CPE: variants seen among roughly 807,000 people sequenced by gnomAD.
CPE encodes the protein carboxypeptidase E, also known as carbocypeptidase E.
A neutral mutation model predicts 53.5 loss-of-function variants in CPE; 17 were observed. The ratio of observed to expected loss-of-function variants is 0.32; its 90% confidence interval spans 0.22 to 0.48. The LOEUF (loss-of-function observed/expected upper bound fraction) is 0.48. Among genes scored for constraint, CPE ranks in the 20% least tolerant of loss-of-function variants. The pLI, the probability that CPE is intolerant of heterozygous loss-of-function variation, is 0.99. For synonymous variants in CPE, 226 were observed against 228.8 expected (o/e 0.99, Z 0.11); for missense variants, 524 against 614.7 (o/e 0.85, Z 1.56).
intron 1 of CPE, among the ~76,000 whole-genome samples, chr4:165,393,251 C>T (rs1730713453): frequency 6.6e-6 from 1 of 152,160 alleles, no homozygotes; most frequent in Non-Finnish European, 1.5e-5. Context: ...GCTTTGGCAG[C>T]TGTTTTAGAG....
At chr4:165,443,321 G>A (rs150970144) in intron 1 of CPE, among the ~76,000 whole-genome samples, 80 of 152,206 alleles carry the variant, frequency 5.3e-4, no homozygotes, top group African/African-American at 1.7e-3. Context: ...ATTCTGTGGA[G>A]CATTTATTAA....
chr4:165,442,649 G>C (rs6536913), intron 1 of CPE, among the ~76,000 whole-genome samples: 46,065 of 152,032 alleles, frequency 0.3, 7,426 homozygotes, highest in Middle Eastern at 0.42. Context: ...AGTTGCACTA[G>C]CCACATTTCA....
At chr4:165,391,165 A>G (rs1310925064) in intron 1 of CPE, among the ~76,000 whole-genome samples, 2 of 152,130 alleles carry the variant, frequency 1.3e-5, no homozygotes, top group Non-Finnish European at 2.9e-5. Flanking sequence ...TGCTGTTATT[A>G]TTTTAACATT....
intron 1 of CPE, among the ~76,000 whole-genome samples, chr4:165,435,099 C>T (rs971676976): frequency 2.6e-5 from 4 of 152,164 alleles, no homozygotes; most frequent in Non-Finnish European, 5.9e-5. Context: ...TCTTGTGCAG[C>T]CTGCAAAACC....
chr4:165,397,701 T>G (rs1730791935), intron 1 of CPE, among the ~76,000 whole-genome samples: 1 of 152,102 alleles, frequency 6.6e-6, no homozygotes, highest in Non-Finnish European at 1.5e-5. Context: ...TATCTCCCTT[T>G]TATAGGACAA....
intron 1 of CPE, among the ~76,000 whole-genome samples, chr4:165,428,684 A>C (rs1305982204): frequency 6.6e-6 from 1 of 152,042 alleles, no homozygotes; most frequent in Non-Finnish European, 1.5e-5. Context: ...TCTAAGGGAG[A>C]ATTCCTTCCT....
intron 1 of CPE, among the ~76,000 whole-genome samples, chr4:165,461,009 A>T (rs1731988391): frequency 6.6e-6 from 1 of 151,078 alleles, no homozygotes; most frequent in Non-Finnish European, 1.5e-5. Context: ...CCTCATCTCT[A>T]CAAAAAAATT....
chr4:165,474,702 T>C (rs1732264963), intron 3 of CPE, among the ~76,000 whole-genome samples: 1 of 152,212 alleles, frequency 6.6e-6, no homozygotes, highest in African/African-American at 2.4e-5. Flanking sequence ...TAACCTTTCC[T>C]TCATCTGTTT....
intron 4 of CPE, 67 bp from the exon 5 acceptor site, chr4:165,484,355 C>G (rs954698591): frequency 6.2e-6 from 9 of 1,445,752 alleles, no homozygotes; most frequent in Non-Finnish European, 8.6e-6. Context: ...CTGAATCACT[C>G]TTTAGAAAAC....
intron 5 of CPE, among the ~76,000 whole-genome samples, chr4:165,485,176 C>A (rs778407732): frequency 4.4e-4 from 67 of 152,122 alleles, no homozygotes; most frequent in Non-Finnish European, 7.4e-4. Flanking sequence ...GGGGGAAGCC[C>A]CTTCCTAGGT....
Position 165,495,574 on chromosome 4 carries a change from A to G in CPE, c.1229A>G (p.Tyr410Cys). 4 of 1,611,388 alleles carry G rather than the reference A, an allele frequency of 2.5e-6. No homozygotes were observed. Among genetic ancestry groups the G allele is most frequent in the Non-Finnish European group, 3.4e-6 (4 of 1,178,272 alleles). The change falls in exon 8 of 9, where the codon TAC (tyrosine) becomes TGC (cysteine). Residue 410 changes from tyrosine to cysteine, a missense_variant. Tyr to Cys is a radical substitution (Grantham distance 194). Coordinates refer to ENST00000402744, the MANE Select transcript of CPE (RefSeq NM_001873.4). Reference sequence around the variant, plus strand: ...CTTCCTACAGCAAAGGATGGTGATTACTGGAGATTGCTTATACCTGGAAAC... The same window carrying G: ...CTTCCTACAGCAAAGGATGGTGATTGCTGGAGATTGCTTATACCTGGAAAC... ...HDVTSAKDGD[Y>C]WRLLIPGNYK...
chr4:165,389,665 G>A (rs1269775441), intron 1 of CPE, among the ~76,000 whole-genome samples: 1 of 152,112 alleles, frequency 6.6e-6, no homozygotes, highest in East Asian at 1.9e-4. Context: ...AGAAGGTTGA[G>A]GTGACTTAAC....
At position 165,379,555 on chromosome 4, in the gene CPE, T is replaced by A; in HGVS notation, c.307+27T>A. 1 of 1,188,200 alleles carries A rather than the reference T, an allele frequency of 8.4e-7. No individual in the cohort carries two copies. Among genetic ancestry groups the A allele is most frequent in the Non-Finnish European group, 1.1e-6 (1 of 925,720 alleles). The allele number at this position is 1,188,200 out of a possible 1,614,324, so 73.6% of individuals were successfully genotyped here. On this transcript the variant is annotated intron_variant, in intron 1 of 8. Transcript: ENST00000402744. This position sits in a 1 kb window ranked among gnomAD's most constrained non-coding sequence, Gnocchi z 6.0. Reference sequence around the variant, plus strand: ...TAAGGGCGCTGCCCCCTGACAGCCCTGGGGGCATCCCGGAGGGGGGCGGCA... The same window carrying A: ...TAAGGGCGCTGCCCCCTGACAGCCCAGGGGGCATCCCGGAGGGGGGCGGCA...
intron 1 of CPE, among the ~76,000 whole-genome samples, chr4:165,382,148 C>CAA (rs1730513939): frequency 8.0e-6 from 1 of 125,148 alleles, no homozygotes; most frequent in Non-Finnish European, 1.7e-5. Context: ...GAATTGATGA[C>CAA]AAAAGACAGT....
intron 3 of CPE, among the ~76,000 whole-genome samples, chr4:165,472,478 G>A (rs1394880014): frequency 6.6e-6 from 1 of 152,186 alleles, no homozygotes; most frequent in African/African-American, 2.4e-5. Flanking sequence ...AATTATTACT[G>A]ACAATGTATA....
At chr4:165,464,998 A>T (rs1732073258) in intron 2 of CPE, among the ~76,000 whole-genome samples, 1 of 152,204 alleles carries the variant, frequency 6.6e-6, no homozygotes, top group African/African-American at 2.4e-5. Context: ...ACTGAATTTA[A>T]GGAAGAAATA....
chr4:165,472,319 G>C (rs1732222808), intron 3 of CPE, among the ~76,000 whole-genome samples: 1 of 152,152 alleles, frequency 6.6e-6, no homozygotes, highest in Non-Finnish European at 1.5e-5. Context: ...GAGTCCTATA[G>C]CTGATTATAA....
At chr4:165,409,461 C>T (rs1463600169) in intron 1 of CPE, among the ~76,000 whole-genome samples, 2 of 152,186 alleles carry the variant, frequency 1.3e-5, no homozygotes, top group Non-Finnish European at 2.9e-5. Context: ...GCCTCAGACT[C>T]CCGAAGTGCT....
intron 1 of CPE, among the ~76,000 whole-genome samples, chr4:165,448,075 A>C (rs1731747325): frequency 6.6e-6 from 1 of 152,212 alleles, no homozygotes; most frequent in Non-Finnish European, 1.5e-5. Context: ...GCCTTTTCAG[A>C]AGGTTCATCA....
Sources: gnomAD v4.1 joint callset for allele counts (sites outside exome capture counted in the v4.1 genomes callset) on GRCh38, gnomAD v4.1.1 for gene constraint, Gnocchi (gnomAD v3.1) non-coding constraint, MANE v1.5 for transcripts, NCBI Gene and HGNC (gene_info 2026-07-23, HGNC 2026-07-21) for gene names.